The following TLN2 variants were observed in gnomAD, a reference collection of about 807,000 sequenced individuals.
TLN2 encodes the protein talin-2.
TLN2 carries 118 observed loss-of-function variants against 294.7 expected under a neutral mutation model. The ratio of observed to expected loss-of-function variants is 0.40; its 90% CI spans 0.34 to 0.47. TLN2 has a LOEUF of 0.47. TLN2 is among the 20% of genes least tolerant of loss of function. TLN2 has a pLI of 0.84. For missense variants in TLN2, 3,083 were observed against 3,282.2 expected, an observed-to-expected ratio of 0.94 and a Z score of 1.48; for synonymous variants, 1,431 against 1,304.5, an observed-to-expected ratio of 1.10 and a Z score of -2.09.
At chr15:62,790,600 A>G (rs2065006424) in intron 45 of TLN2, among the ~76,000 whole-genome samples, 1 of 152,174 alleles carries the variant, frequency 6.6e-6, no homozygotes, top group South Asian at 2.1e-4. Context: ...TTCCAGCAGC[A>G]CTTTATCCTT....
chr15:62,643,277 C>T (rs1311849546), intron 3 of TLN2, among the ~76,000 whole-genome samples: 2 of 151,934 alleles, frequency 1.3e-5, no homozygotes, highest in Non-Finnish European at 2.9e-5. Context: ...AGTTGTTGGC[C>T]TTATCTCAAG....
At position 62,422,026 on chromosome 15, in the gene TLN2, C is replaced by T. The variant is rs1220371109; in HGVS notation, c.-238+31341C>T. Among the ~76,000 whole-genome samples the T allele has an allele frequency of 1.6e-4, 25 of 151,558 alleles. 1 individual carries two copies. Among genetic ancestry groups the T allele is most frequent in the Admixed American group, 1.5e-3 (23 of 15,210 alleles). ...CTGTAATCCCAGCACTTTGGGAGGC[C>T]GAGGCAGGTGGATCACCTGAGGTCT... On this transcript the variant is annotated intron_variant, in intron 1 of 58. Transcript: ENST00000636159.
intron 1 of TLN2, among the ~76,000 whole-genome samples, chr15:62,573,775 C>T (rs200565402): frequency 1.4e-5 from 2 of 145,064 alleles, no homozygotes; most frequent in African/African-American, 2.5e-5. Context: ...CTTCCTTTTT[C>T]TTTTTTTTTT....
intron 2 of TLN2, among the ~76,000 whole-genome samples, chr15:62,591,392 A>C (rs1408049549): frequency 6.6e-6 from 1 of 152,168 alleles, no homozygotes; most frequent in Non-Finnish European, 1.5e-5. Flanking sequence ...GCAGGAAAGA[A>C]AGGTACTTTA....
intron 1 of TLN2, among the ~76,000 whole-genome samples, chr15:62,541,585 T>C (rs1303695584): frequency 2.0e-5 from 3 of 152,066 alleles, no homozygotes; most frequent in Non-Finnish European, 4.4e-5. Context: ...TTGAACCTTG[T>C]TTGCTCAGGG....
intron 12 of TLN2, chr15:62,690,383 C>T: frequency 6.3e-6 from 1 of 159,546 alleles, no homozygotes; most frequent in Non-Finnish European, 1.3e-5. Context: ...GGCGGCGGGA[C>T]AGAGGCGCTC....
At chr15:62,551,223 G>A (rs1299578733) in intron 1 of TLN2, among the ~76,000 whole-genome samples, 1 of 152,074 alleles carries the variant, frequency 6.6e-6, no homozygotes, top group Non-Finnish European at 1.5e-5. Context: ...ATGAAGCTTC[G>A]CTTGCTTGCC....
Position 62,776,749 on chromosome 15 carries a change from C to G in TLN2, c.5368-15C>G, listed in dbSNP as rs1230026351. ...CTCTTCTGCTTAAGGAAATGTTTCA[C>G]AATTCCCTTCTCAGGCACAACACAC... On this transcript the variant is annotated splice_polypyrimidine_tract_variant and intron_variant, in intron 42 of 58. Coordinates refer to ENST00000636159, the MANE Select transcript of TLN2 (RefSeq NM_015059.3). 1 of 1,494,024 alleles carries G rather than the reference C, an allele frequency of 6.7e-7. No homozygotes were observed. The highest frequency in any genetic ancestry group is 9.0e-7 in the Non-Finnish European group (1 of 1,114,380). 92.5% of individuals were successfully genotyped at this position (1,494,024 alleles called of 1,614,324 possible).
intron 23 of TLN2, 65 bp downstream of exon 23, chr15:62,716,524 A>G: frequency 6.5e-7 from 1 of 1,528,400 alleles, no homozygotes; most frequent in Non-Finnish European, 8.8e-7. Flanking sequence ...TTGAAAAGAT[A>G]GTTGAATTAA....
chr15:62,535,489 CA>C (rs2041291399), intron 1 of TLN2, among the ~76,000 whole-genome samples: 2 of 151,810 alleles, frequency 1.3e-5, no homozygotes, highest in Non-Finnish European at 2.9e-5. Context: ...CACACACACA[CA>C]CCCCTCTCTC....
At chr15:62,804,417 G>A (rs1278090352) in intron 50 of TLN2, among the ~76,000 whole-genome samples, 2 of 152,132 alleles carry the variant, frequency 1.3e-5, no homozygotes, top group Admixed American at 6.5e-5. Flanking sequence ...GGGCAACATA[G>A]GGAAACCACA....
rs760329953 is a variant in TLN2, at chr15:62,796,298, G to A, written c.6050+5G>A. ...TGAGACCTTCGCAGACCACAGGTAC[G>A]TGGGGGTCCTGGACGGGGAGAGGTT... is the stretch of plus-strand genomic sequence containing the variant. On this transcript the variant is annotated splice_donor_5th_base_variant and intron_variant, in intron 47 of 58. Coordinates refer to ENST00000636159, the MANE Select transcript of TLN2 (RefSeq NM_015059.3). 5 of 1,611,294 alleles carry A rather than the reference G, an allele frequency of 3.1e-6. No individual in the cohort carries two copies. The highest frequency in any genetic ancestry group is 3.4e-5 in the Admixed American group (2 of 59,654).
chr15:62,828,858 T>A (rs758066592), intron 54 of TLN2: 1 of 152,288 alleles, frequency 6.6e-6, no homozygotes, highest in African/African-American at 2.4e-5. Flanking sequence ...TAGAGAAACA[T>A]AGGTTGAATA....
intron 42 of TLN2, among the ~76,000 whole-genome samples, chr15:62,774,278 C>G (rs1037549424): frequency 5.9e-5 from 9 of 152,146 alleles, no homozygotes; most frequent in Non-Finnish European, 1.5e-5. Context: ...AAGCGGACTT[C>G]AGACATGTGT....
intron 3 of TLN2, among the ~76,000 whole-genome samples, chr15:62,631,592 T>A (rs1332857978): frequency 1.5e-5 from 2 of 130,276 alleles, no homozygotes; most frequent in Non-Finnish European, 3.4e-5. Context: ...CTCTCTTCTT[T>A]CACTCTCTCT....
At chr15:62,739,616 CT>C in intron 31 of TLN2, 71 bp downstream of exon 31, 1 of 1,544,602 alleles carries the variant, frequency 6.5e-7, no homozygotes, top group Non-Finnish European at 8.8e-7. Flanking sequence ...ATCCTTGAGA[CT>C]GACTGAACAA....
chr15:62,814,199 G>C (rs957303411), intron 52 of TLN2, among the ~76,000 whole-genome samples: 3 of 152,090 alleles, frequency 2.0e-5, no homozygotes, highest in Non-Finnish European at 2.9e-5. Context: ...TAGAAGGCAG[G>C]AAAAAAACTG....
chr15:62,665,130 T>A (rs2054448055), intron 9 of TLN2, among the ~76,000 whole-genome samples: 1 of 152,158 alleles, frequency 6.6e-6, no homozygotes, highest in South Asian at 2.1e-4. Context: ...TGGAGTGCAG[T>A]GGCGCCATCT....
At position 62,639,788 on chromosome 15, in the gene TLN2, A is replaced by G. The variant is rs79682200; in HGVS notation, c.-36-7487A>G. ...GGTTCCCACCAGTTGGGAAGAGATA[A>G]CCAGGTCCCAGTGGGTTGACAAAAT... On this transcript the variant is annotated intron_variant, in intron 3 of 58. Transcript: ENST00000636159. 8.5e-5 allele frequency among the ~76,000 whole-genome samples: 13 copies of G among 152,346 alleles called. No homozygotes were observed. The East Asian group carries it at 2.3e-3, about 27-fold the overall frequency.
Sources: allele counts gnomAD v4.1 joint callset (sites outside exome capture counted in the v4.1 genomes callset), GRCh38; gene constraint gnomAD v4.1.1; transcripts MANE v1.5; gene names NCBI Gene and HGNC (gene_info 2026-07-23, HGNC 2026-07-21).